MYH1: variants seen among roughly 807,000 people sequenced by gnomAD.
MYH1 encodes the protein myosin-1.
In MYH1, 214 loss-of-function variants were observed where a neutral mutation model predicts 225.6. The observed-to-expected ratio is 0.95, with a 90% CI of 0.85 to 1.06. The LOEUF is 1.06. Ranked by LOEUF, MYH1 falls within the 50% of genes least tolerant of loss-of-function variation. The pLI, the probability that MYH1 is intolerant of heterozygous loss-of-function variation, is 0.00. For synonymous variants in MYH1, 774 were observed against 842.3 expected, an observed-to-expected ratio of 0.92 and a Z score of 1.40; for missense variants, 2,098 against 2,344.2, an observed-to-expected ratio of 0.89 and a Z score of 2.17.
At position 10,496,268 on chromosome 17, in the gene MYH1, G is replaced by T; in HGVS notation, c.4938C>A (p.Asn1646Lys). Residue 1646 changes from asparagine (N) to lysine (K), a missense_variant, in exon 34 of 40, where the codon AAC becomes AAA. Physicochemically the swap from Asn to Lys is moderately conservative, Grantham distance 94. Transcript: ENST00000226207. ...ANRMAAEALR[N>K]YRNTQAILKD... Reference sequence around the variant, plus strand: ...TGAGGATGGCTTGGGTGTTCCTATAGTTCCTCAGGGCCTCAGCAGCCATGC... The same window carrying T: ...TGAGGATGGCTTGGGTGTTCCTATATTTCCTCAGGGCCTCAGCAGCCATGC... The T allele has an allele frequency of 1.2e-6, 2 of 1,614,146 alleles. No individual in the cohort carries two copies. The highest frequency in any genetic ancestry group is 1.7e-6 in the Non-Finnish European group (2 of 1,180,034).
intron 35 of MYH1, 84 bp from the exon 36 acceptor site, chr17:10,495,401 T>C: frequency 6.8e-7 from 1 of 1,472,448 alleles, no homozygotes; most frequent in Non-Finnish European, 9.4e-7. Context: ...CATAAACTAA[T>C]TAACTAAATG....
In MYH1 at chr17:10,516,023, A is replaced by G. The variant is rs764830363; in HGVS notation, c.408T>C (p.Asn136=). The G allele has an allele frequency of 9.3e-6, 15 of 1,614,080 alleles. No individual in the cohort carries two copies. Among genetic ancestry groups the G allele is most frequent in the Admixed American group, 5.0e-5 (3 of 60,008 alleles). The part of the protein sequence containing the change: ...VNPYKWLPVY[N]AEVVTAYRGK... The stretch of plus-strand genomic sequence containing the variant: ...CTCGGTAGGCTGTCACCACCTCTGC[A>G]TTATACACTGGCAACCACTTGTAGG... The change falls in exon 5 of 40, where the codon AAT becomes AAC. Residue 136 remains asparagine (N), a synonymous_variant. Transcript: ENST00000226207.
rs1462644557 is a variant in MYH1 at position 10,500,626 on chromosome 17, C to G, written c.3865G>C (p.Gly1289Arg). The G allele has an allele frequency of 3.1e-6, 5 of 1,613,008 alleles. No homozygotes were observed. Among genetic ancestry groups the G allele is most frequent in the Non-Finnish European group, 2.5e-6 (3 of 1,180,022 alleles). Reference sequence around the variant, plus strand: ...AGGTCAGTACTGGTACATGGCCCACCTGATTCTGTTTGCAGGCGCGCTCTC... The same window carrying G: ...AGGTCAGTACTGGTACATGGCCCACGTGATTCTGTTTGCAGGCGCGCTCTC... ...AQRARLQTES[G>R]EYSRQLDEKD... Residue 1289 changes from glycine (G) to arginine (R), a missense_variant and splice_region_variant, in exon 28 of 40, where the codon GGT becomes CGT. Gly to Arg is a moderately radical substitution (Grantham distance 125). Transcript: ENST00000226207.
In MYH1 at chr17:10,497,856, A is replaced by G. The variant is rs765556012; in HGVS notation, c.4243T>C (p.Cys1415Arg). Reference sequence around the variant, plus strand: ...TGCTTCGTCTTCTCAAGGGAAGCACATTTGGCATTCACAGCTTCTACATGT... The same window carrying G: ...TGCTTCGTCTTCTCAAGGGAAGCACGTTTGGCATTCACAGCTTCTACATGT... Reference protein sequence around the residue: ...EEHVEAVNAKCASLEKTKQRL... With the variant: ...EEHVEAVNAKRASLEKTKQRL... Residue 1415 changes from cysteine (C) to arginine (R), a missense_variant, in exon 31 of 40, where the codon TGT becomes CGT. Coordinates refer to ENST00000226207, the MANE Select transcript of MYH1 (RefSeq NM_005963.4). The G allele has an allele frequency of 1.9e-6, 3 of 1,613,694 alleles. No homozygotes were observed. In the Admixed American group the frequency reaches 5.0e-5, roughly 27 times the overall value.
chr17:10,513,315 T>G (rs1007978964), intron 9 of MYH1, among the ~76,000 whole-genome samples: 13 of 152,140 alleles, frequency 8.5e-5, no homozygotes, highest in Non-Finnish European at 1.8e-4. Flanking sequence ...ATAAATCACA[T>G]ATCCTCAATC....
intron 15 of MYH1, among the ~76,000 whole-genome samples, chr17:10,509,069 A>T (rs574909510): frequency 4.4e-4 from 67 of 152,260 alleles, no homozygotes; most frequent in African/African-American, 1.6e-3. Flanking sequence ...AGACAAGGGA[A>T]ACCTGCAATT....
intron 6 of MYH1, among the ~76,000 whole-genome samples, chr17:10,514,564 T>C (rs948448141): frequency 2.6e-5 from 4 of 152,222 alleles, no homozygotes; most frequent in Non-Finnish European, 4.4e-5. Flanking sequence ...TTCCAAACTG[T>C]TGTACCTTTT....
At chr17:10,506,410 T>C (rs559049008) in intron 17 of MYH1, among the ~76,000 whole-genome samples, 1 of 152,208 alleles carries the variant, frequency 6.6e-6, no homozygotes, top group Admixed American at 6.5e-5. Context: ...CCATTCTTTT[T>C]TTGCCTAGAT....
chr17:10,513,666 G>T lies in MYH1; in HGVS notation c.765C>A (p.Phe255Leu), dbSNP rs565550881. 5.0e-6 allele frequency: 8 copies of T among 1,613,968 alleles called. No individual in the cohort carries two copies. The South Asian group carries it at 8.8e-5, about 18-fold the overall frequency. Residue 255 changes from phenylalanine to leucine, a missense_variant, in exon 9 of 40, where the codon TTC (phenylalanine) becomes TTA (leucine). Coordinates refer to ENST00000226207, the MANE Select transcript of MYH1 (RefSeq NM_005963.4). ...SRFGKFIRIH[F>L]GTTGKLASAD... ...CAGAAGCCAGTTTCCCTGTGGTACC[G>T]AAGTGGATCCTGATGAATTTACCCT...
intron 39 of MYH1, 105 bp from the exon 40 acceptor site, chr17:10,492,673 C>A: frequency 7.8e-7 from 1 of 1,276,902 alleles, no homozygotes; most frequent in South Asian, 1.6e-5. Flanking sequence ...TTCACTCTAG[C>A]AGATATTTTA....
At position 10,508,471 on chromosome 17, in the gene MYH1, G is replaced by A; in HGVS notation, c.1789C>T (p.Leu597Phe). 1.2e-6 allele frequency: 2 copies of A among 1,614,182 alleles called. No individual in the cohort carries two copies. Among genetic ancestry groups the A allele is most frequent in the Non-Finnish European group, 8.5e-7 (1 of 1,180,036 alleles). Residue 597 changes from leucine to phenylalanine, a missense_variant, in exon 16 of 40, where the codon CTT becomes TTT. Leu to Phe is a conservative substitution (Grantham distance 22). Coordinates refer to ENST00000226207, the MANE Select transcript of MYH1 (RefSeq NM_005963.4). ...TTCAGGGGGTCCTTGTTCTTGTCAA[G>A]CCAGCCGGCAATGTTGTAGTCCACG... ...GTVDYNIAGW[L>F]DKNKDPLNET...
chr17:10,516,132 A>G, intron 4 of MYH1, 50 bp from the exon 5 acceptor site: 2 of 1,613,386 alleles, frequency 1.2e-6, no homozygotes, highest in South Asian at 2.2e-5. Context: ...GGGGACCTTA[A>G]TCATCTACTA....
At chr17:10,494,234 C>T in intron 39 of MYH1, 120 bp downstream of exon 39, 1 of 967,476 alleles carries the variant, frequency 1.0e-6, no homozygotes, top group Non-Finnish European at 1.5e-6. Flanking sequence ...CTTGGACCTC[C>T]ATGTAGCCAT....
In MYH1 at chr17:10,514,072, A is replaced by C. The variant is rs1052063759; in HGVS notation, c.586T>G (p.Phe196Val). 4.3e-6 allele frequency: 7 copies of C among 1,614,064 alleles called. No individual in the cohort carries two copies. The Admixed American group carries it at 1.2e-4, about 27-fold the overall frequency. ...TVNTKRVIQY[F>V]ATIAVTGEKK... The stretch of plus-strand genomic sequence containing the variant: ...TCCCCAGTAACTGCAATTGTTGCAA[A>C]GTACTGGATGACACGCTTGGTGTTC... Residue 196 changes from phenylalanine (F) to valine (V), a missense_variant, in exon 7 of 40, where the codon TTT becomes GTT. Coordinates refer to ENST00000226207, the MANE Select transcript of MYH1 (RefSeq NM_005963.4).
In MYH1 at chr17:10,515,567, T is replaced by C. The variant is rs142447866; in HGVS notation, c.505+359A>G. On this transcript the variant is annotated intron_variant, in intron 5 of 39. Coordinates refer to ENST00000226207, the MANE Select transcript of MYH1 (RefSeq NM_005963.4). ...TGAGGCACCAAAAGGATTGAACTCCTATTTTTCATTTCTATTCAGATAATA... is the reference window on the plus strand; with the variant it reads ...TGAGGCACCAAAAGGATTGAACTCCCATTTTTCATTTCTATTCAGATAATA... 8.2e-4 allele frequency among the ~76,000 whole-genome samples: 125 copies of C among 152,348 alleles called. 1 individual carries two copies. In the East Asian group the frequency reaches 0.012, roughly 15 times the overall value.
chr17:10,504,499 C>T (rs2073089609), intron 22 of MYH1, among the ~76,000 whole-genome samples: 1 of 152,190 alleles, frequency 6.6e-6, no homozygotes, highest in Non-Finnish European at 1.5e-5. Context: ...TTTCACAGCT[C>T]TTATTTGCAT....
chr17:10,494,087 C>T (rs563255451), intron 39 of MYH1, among the ~76,000 whole-genome samples: 1 of 152,322 alleles, frequency 6.6e-6, no homozygotes. Flanking sequence ...GCTCTCCAGT[C>T]CCAGTTGTGG....
chr17:10,505,103 TAAG>T (rs1279981959), intron 21 of MYH1, 38 bp from the exon 22 acceptor site: 1 of 1,612,922 alleles, frequency 6.2e-7, no homozygotes, highest in African/African-American at 1.3e-5. Flanking sequence ...CAGATTATAA[TAAG>T]AAGCAGAATT....
In MYH1 at chr17:10,509,480, C is replaced by A. The variant is rs1231397229; in HGVS notation, c.1587+5G>T. The stretch of plus-strand genomic sequence containing the variant: ...TGATCTGTGGTCTGCAAAAAGCAAG[C>A]CAACCTTCTCGATGAGCTCGATGCA... On this transcript the variant is annotated splice_donor_5th_base_variant and intron_variant, in intron 15 of 39. Transcript: ENST00000226207. 1.9e-6 allele frequency: 3 copies of A among 1,614,064 alleles called. No homozygotes were observed.
Sources: gnomAD v4.1 joint callset for allele counts (sites outside exome capture counted in the v4.1 genomes callset) on GRCh38, gnomAD v4.1.1 for gene constraint, MANE v1.5 for transcripts, NCBI Gene and HGNC (gene_info 2026-07-23, HGNC 2026-07-21) for gene names.